The following EDEM1 variants were observed in gnomAD, a reference collection of about 807,000 sequenced individuals.
EDEM1 encodes the protein ER degradation-enhancing alpha-mannosidase-like protein 1.
Under a neutral mutation model 74.4 loss-of-function variants are expected in EDEM1, and 67 were observed. The ratio of observed to expected loss-of-function variants is 0.90; its 90% CI spans 0.74 to 1.10. The LOEUF (loss-of-function observed/expected upper bound fraction) is 1.10, where lower values mean the gene tolerates loss of function less well. Among genes scored for constraint, EDEM1 ranks in the 50% least tolerant of loss-of-function variants. The pLI, the probability that EDEM1 is intolerant of heterozygous loss-of-function variation, is 0.00. For missense variants in EDEM1, 926 were observed against 851.6 expected (o/e 1.09, Z -1.09); for synonymous variants, 382 against 335.9 (o/e 1.14, Z -1.50).
chr3:5,196,302 C>G (rs1387922849), intron 2 of EDEM1, among the ~76,000 whole-genome samples: 1 of 152,060 alleles, frequency 6.6e-6, no homozygotes, highest in Non-Finnish European at 1.5e-5. Flanking sequence ...ACTAAAAGTA[C>G]AAAAATTAGC....
intron 2 of EDEM1, among the ~76,000 whole-genome samples, chr3:5,197,765 C>A (rs2054987086): frequency 6.6e-6 from 1 of 152,226 alleles, no homozygotes; most frequent in Non-Finnish European, 1.5e-5. Context: ...CCATTGGATG[C>A]AACTTGCAGC....
At chr3:5,197,875 A>G (rs1045660623) in intron 2 of EDEM1, among the ~76,000 whole-genome samples, 1 of 152,190 alleles carries the variant, frequency 6.6e-6, no homozygotes, top group East Asian at 1.9e-4. Flanking sequence ...GAAAAAATGT[A>G]GTTAGGCACA....
chr3:5,187,970 C>T lies in EDEM1; in HGVS notation c.165C>T (p.Pro55=). The part of the protein sequence containing the change: ...RLRSPDGPAS[P]TSGPVGRPGG... ...GGAGCCCCGACGGCCCCGCGTCGCC[C>T]ACCTCGGGGCCCGTGGGCCGGCCTG... Residue 55 remains proline, a synonymous_variant, in exon 1 of 12, where the codon CCC becomes CCT. Coordinates refer to ENST00000256497, the MANE Select transcript of EDEM1 (RefSeq NM_014674.3). The T allele has an allele frequency of 6.4e-7, 1 of 1,553,316 alleles. No individual in the cohort carries two copies. The highest frequency in any genetic ancestry group is 1.4e-5 in the African/African-American group (1 of 71,748).
chr3:5,188,326 C>T lies in EDEM1; in HGVS notation c.509+12C>T, dbSNP rs764427564. 3.4e-6 allele frequency: 5 copies of T among 1,450,530 alleles called. No homozygotes were observed. The highest frequency in any genetic ancestry group is 2.9e-5 in the African/African-American group (2 of 67,986). The allele number at this position is 1,450,530 out of a possible 1,614,324, so 89.9% of individuals were successfully genotyped here. A position where few individuals can be genotyped will look rare whatever the true frequency, so the allele number is the denominator to read the frequency against. ...GACCGCGGGGACCCGTGAGTAGCCC[C>T]CGCCGCCCGGGGCCGCGCGCCCACG... is the stretch of plus-strand genomic sequence containing the variant. On this transcript the variant is annotated intron_variant, in intron 1 of 11. Transcript: ENST00000256497.
intron 3 of EDEM1, 121 bp from the exon 4 acceptor site, chr3:5,201,632 C>T (rs2055035513): frequency 6.9e-6 from 8 of 1,153,222 alleles, no homozygotes; most frequent in Middle Eastern, 2.0e-4. Flanking sequence ...AGTCAGGTCT[C>T]TCTGACGTCA....
At chr3:5,195,084 C>T in intron 1 of EDEM1, 125 bp from the exon 2 acceptor site, 1 of 481,966 alleles carries the variant, frequency 2.1e-6, no homozygotes, top group East Asian at 3.4e-5. Context: ...TGTATTAATT[C>T]ACCCATAATT....
chr3:5,192,375 A>C (rs1254752596), intron 1 of EDEM1, among the ~76,000 whole-genome samples: 1 of 152,250 alleles, frequency 6.6e-6, no homozygotes, highest in Non-Finnish European at 1.5e-5. Flanking sequence ...ATACATGGGA[A>C]TTTAAATTTA....
chr3:5,217,467 ACTGT>A lies in EDEM1; in HGVS notation c.*1552_*1555del, dbSNP rs906263806. ...CATCTTTTCAAAGCTAGAAATAAGCACTGTCTAAGTTTATGTTGCATTTTTAGTC... is the reference window on the plus strand; with the variant it reads ...CATCTTTTCAAAGCTAGAAATAAGCACTAAGTTTATGTTGCATTTTTAGTC... On this transcript the variant is annotated 3_prime_UTR_variant, in exon 12 of 12. Coordinates refer to ENST00000256497, the MANE Select transcript of EDEM1 (RefSeq NM_014674.3). 5.2e-5 allele frequency: 8 copies of A among 152,652 alleles called. No homozygotes were observed. The highest frequency in any genetic ancestry group is 7.3e-5 in the Non-Finnish European group (5 of 68,032). 9.5% of individuals were successfully genotyped at this position (152,652 alleles called of 1,614,324 possible).
chr3:5,188,791 A>T (rs1321052099), intron 1 of EDEM1, among the ~76,000 whole-genome samples: 1 of 152,310 alleles, frequency 6.6e-6, no homozygotes, highest in African/African-American at 2.4e-5. Flanking sequence ...TTTTCTATGT[A>T]AAAAGCCTAT....
intron 5 of EDEM1, among the ~76,000 whole-genome samples, 183 bp downstream of exon 5, chr3:5,203,332 A>G (rs1249607569): frequency 6.6e-6 from 1 of 152,230 alleles, no homozygotes; most frequent in Non-Finnish European, 1.5e-5. Context: ...CTGATGGAAA[A>G]GCATTAAGCT....
intron 1 of EDEM1, among the ~76,000 whole-genome samples, chr3:5,192,562 C>T (rs1360024742): frequency 6.6e-6 from 1 of 152,178 alleles, no homozygotes; most frequent in Non-Finnish European, 1.5e-5. Flanking sequence ...GTTCAGCCAG[C>T]TGGTTACAGG....
At position 5,212,753 on chromosome 3, in the gene EDEM1, C is replaced by T. The variant is rs920861926; in HGVS notation, c.1681-566C>T. 1.3e-5 allele frequency among the ~76,000 whole-genome samples: 2 copies of T among 152,212 alleles called. 1 individual carries two copies. Among genetic ancestry groups the T allele is most frequent in the Admixed American group, 1.3e-4 (2 of 15,276 alleles). On this transcript the variant is annotated intron_variant, in intron 10 of 11. Coordinates refer to ENST00000256497, the MANE Select transcript of EDEM1 (RefSeq NM_014674.3). Reference sequence around the variant, plus strand: ...TGTTCTTTCTAGATGCTCTTTCGTTCCGTGTCACATGCACCATTGAGGGAA... The same window carrying T: ...TGTTCTTTCTAGATGCTCTTTCGTTTCGTGTCACATGCACCATTGAGGGAA...
In EDEM1 at chr3:5,187,906, AC is replaced by A; in HGVS notation, c.103del (p.Gln35SerfsTer12). The A allele has an allele frequency of 6.3e-7, 1 of 1,599,216 alleles. No homozygotes were observed. The highest frequency in any genetic ancestry group is 1.4e-5 in the African/African-American group (1 of 73,958). On this transcript the variant is annotated frameshift_variant, in exon 1 of 12. Coordinates refer to ENST00000256497, the MANE Select transcript of EDEM1 (RefSeq NM_014674.3). LOFTEE classifies it high-confidence loss of function. ...GGGCTGGGGCCCAGCATGGGCTTCT[AC>A]CAGCGCTTTCCGCTCAGCTTCGGCT... ...VFGLGPSMGF[Y>X]QRFPLSFGFQ...
intron 1 of EDEM1, among the ~76,000 whole-genome samples, chr3:5,189,975 TA>T (rs1204419840): frequency 1.1e-4 from 14 of 130,692 alleles, no homozygotes; most frequent in African/African-American, 3.8e-4. Context: ...CCTATAAATG[TA>T]TTTTCTTTCT....
intron 11 of EDEM1, among the ~76,000 whole-genome samples, chr3:5,215,537 T>G (rs534407014): frequency 6.6e-6 from 1 of 152,182 alleles, no homozygotes; most frequent in African/African-American, 2.4e-5. Context: ...GGATGTTAAA[T>G]TATGTCACTG....
rs995818155 is a variant in EDEM1, at chr3:5,187,726, C to A, written c.-80C>A. The A allele has an allele frequency of 3.5e-6, 5 of 1,417,978 alleles. No individual in the cohort carries two copies. The highest frequency in any genetic ancestry group is 2.8e-5 in the Admixed American group (1 of 36,356). The allele number at this position is 1,417,978 out of a possible 1,614,324, so 87.8% of individuals were successfully genotyped here. A position where few individuals can be genotyped will look rare whatever the true frequency, so the allele number is the denominator to read the frequency against. ...TTCCTTAAAGGGGAAGCGAGCCGGGCTACGGGGCGAGCGCGGGGTGCGGTG... is the reference window on the plus strand; with the variant it reads ...TTCCTTAAAGGGGAAGCGAGCCGGGATACGGGGCGAGCGCGGGGTGCGGTG... On this transcript the variant is annotated 5_prime_UTR_variant, in exon 1 of 12. Transcript: ENST00000256497.
rs1402246899 is a variant in EDEM1, at chr3:5,188,134, G to T, written c.329G>T (p.Gly110Val). 4.6e-6 allele frequency: 7 copies of T among 1,531,422 alleles called. No homozygotes were observed. The South Asian group carries it at 7.3e-5, about 16-fold the overall frequency. The allele number at this position is 1,531,422 out of a possible 1,614,324, so 94.9% of individuals were successfully genotyped here. The change falls in exon 1 of 12, where the codon GGC becomes GTC. Residue 110 changes from glycine to valine, a missense_variant. Physicochemically the swap from Gly to Val is moderately radical, Grantham distance 109. Transcript: ENST00000256497. The stretch of plus-strand genomic sequence containing the variant: ...TACGTGCTGGGCGGCCGGGGCCGCG[G>T]CCCGGACGAGTACGAGAAGCGCTAC... ...WGYVLGGRGR[G>V]PDEYEKRYSG... is the part of the protein sequence containing the mutation.
intron 5 of EDEM1, among the ~76,000 whole-genome samples, chr3:5,204,033 A>G (rs2055065806): frequency 6.6e-6 from 1 of 152,198 alleles, no homozygotes. Flanking sequence ...TGCCCAGCCT[A>G]GGTGTTATTT....
At chr3:5,215,392 A>G (rs1031033426) in intron 11 of EDEM1, among the ~76,000 whole-genome samples, 1 of 152,208 alleles carries the variant, frequency 6.6e-6, no homozygotes, top group African/African-American at 2.4e-5. Flanking sequence ...AGTATTTTCA[A>G]GTAGCAGAAA....
Sources: gnomAD v4.1 joint callset for allele counts (sites outside exome capture counted in the v4.1 genomes callset) on GRCh38, gnomAD v4.1.1 for gene constraint, MANE v1.5 for transcripts, NCBI Gene and HGNC (gene_info 2026-07-23, HGNC 2026-07-21) for gene names.